The following MCTP1 variants were observed in gnomAD, a reference collection of about 807,000 sequenced individuals.
MCTP1 encodes multiple C2 and transmembrane domain containing 1.
In MCTP1, 69 loss-of-function variants were observed where a neutral mutation model predicts 120.6. The ratio of observed to expected loss-of-function variants is 0.57; its 90% CI spans 0.47 to 0.70. The LOEUF is 0.70. MCTP1 is among the 30% of genes least tolerant of loss of function. MCTP1 has a pLI of 0.00. For synonymous variants in MCTP1, 529 were observed against 493.1 expected, an observed-to-expected ratio of 1.07 and a Z score of -0.96; for missense variants, 1,203 against 1,248.8, an observed-to-expected ratio of 0.96 and a Z score of 0.55.
intron 1 of MCTP1, among the ~76,000 whole-genome samples, chr5:95,132,498 C>T (rs1241324666): frequency 1.6e-4 from 25 of 152,290 alleles, no homozygotes; most frequent in Non-Finnish European, 1.0e-4. Context: ...AGAAGTATTC[C>T]GATAGAATTC....
intron 7 of MCTP1, among the ~76,000 whole-genome samples, chr5:94,922,740 A>T (rs918193592): frequency 3.3e-5 from 5 of 152,262 alleles, no homozygotes; most frequent in Middle Eastern, 3.4e-3. Context: ...TGCCCGCCTC[A>T]GCCTCCCAAA....
intron 2 of MCTP1, among the ~76,000 whole-genome samples, chr5:94,995,866 T>C (rs941118991): frequency 2.6e-5 from 4 of 152,190 alleles, no homozygotes; most frequent in Non-Finnish European, 2.9e-5. Context: ...GTGTCTCAGT[T>C]ACTAAGATAA....
At chr5:94,788,228 A>C (rs1778170875) in intron 18 of MCTP1, among the ~76,000 whole-genome samples, 1 of 152,230 alleles carries the variant, frequency 6.6e-6, no homozygotes, top group Non-Finnish European at 1.5e-5. Flanking sequence ...AAGTAAATTC[A>C]GTAAGTAACA....
chr5:94,870,900 T>C lies in MCTP1; in HGVS notation c.2213A>G (p.Tyr738Cys), dbSNP rs977067020. 1.9e-6 allele frequency: 3 copies of C among 1,612,974 alleles called. No homozygotes were observed. The highest frequency in any genetic ancestry group is 2.2e-5 in the East Asian group (1 of 44,844). ...ATTAAAAATCACATCTATTTCAAGA[T>C]AGATGACCCCCTTTGTTGGCCCTGT... ...QLTGPTKGVI[Y>C]LEIDVIFNAV... Residue 738 changes from tyrosine (Y) to cysteine (C), a missense_variant, in exon 15 of 23, where the codon TAT becomes TGT. By Grantham distance (194) the Tyr-to-Cys change is radical. This residue lies in a region of MCTP1 where 740 missense variants were observed against 871.1 expected (regional missense o/e 0.85). Transcript: ENST00000515393.
intron 5 of MCTP1, among the ~76,000 whole-genome samples, chr5:94,938,335 A>G (rs2153496626): frequency 6.6e-6 from 1 of 152,090 alleles, no homozygotes; most frequent in Middle Eastern, 3.4e-3. Context: ...ATGCACTCTG[A>G]TCACCCACAC....
chr5:95,010,752 T>A (rs868480118), intron 2 of MCTP1, among the ~76,000 whole-genome samples: 12 of 152,068 alleles, frequency 7.9e-5, no homozygotes, highest in African/African-American at 2.7e-4. Context: ...CTGAAAGTTG[T>A]TTTTGTATTT....
chr5:94,775,251 C>A (rs1195996618), intron 19 of MCTP1, among the ~76,000 whole-genome samples: 1 of 152,188 alleles, frequency 6.6e-6, no homozygotes, highest in Admixed American at 6.6e-5. Context: ...CTTTTTCTGA[C>A]AAAAACCTGC....
intron 10 of MCTP1, among the ~76,000 whole-genome samples, chr5:94,898,678 T>C (rs543423440): frequency 1.9e-3 from 284 of 152,292 alleles, no homozygotes; most frequent in Middle Eastern, 0.01. Context: ...TTTTATATTG[T>C]TACCAAGATA....
intron 18 of MCTP1, chr5:94,789,371 A>G (rs1778404997): frequency 6.6e-6 from 1 of 152,230 alleles, no homozygotes; most frequent in Non-Finnish European, 1.5e-5. Flanking sequence ...ATTGACTTTT[A>G]AAAATAGAAG....
At chr5:94,725,576 G>A (rs1208250397) in intron 19 of MCTP1, among the ~76,000 whole-genome samples, 1 of 152,132 alleles carries the variant, frequency 6.6e-6, no homozygotes, top group Non-Finnish European at 1.5e-5. Flanking sequence ...ATATGTGTTT[G>A]AACATGGTTG....
intron 1 of MCTP1, among the ~76,000 whole-genome samples, chr5:95,157,452 T>C (rs544929550): frequency 2.0e-4 from 31 of 152,192 alleles, no homozygotes; most frequent in Non-Finnish European, 4.4e-4. Flanking sequence ...AGTTTTCTAA[T>C]TTATATTATT....
chr5:95,195,027 G>A (rs1322366153), intron 1 of MCTP1, among the ~76,000 whole-genome samples: 1 of 152,194 alleles, frequency 6.6e-6, no homozygotes, highest in Non-Finnish European at 1.5e-5. Context: ...CCACCAGGAG[G>A]AATACTGTGT....
At chr5:94,803,508 A>T (rs140019655) in intron 17 of MCTP1, among the ~76,000 whole-genome samples, 266 of 152,340 alleles carry the variant, frequency 1.7e-3, no homozygotes, top group African/African-American at 6.2e-3. Context: ...TTGTCGTCTG[A>T]AAAGTGAAAA....
At chr5:94,763,192 C>T (rs1771740311) in intron 19 of MCTP1, among the ~76,000 whole-genome samples, 1 of 152,210 alleles carries the variant, frequency 6.6e-6, no homozygotes, top group African/African-American at 2.4e-5. Context: ...TCATTTCCTT[C>T]TTATTCCAGT....
At chr5:95,017,937 T>C (rs1170581280) in intron 1 of MCTP1, among the ~76,000 whole-genome samples, 1 of 152,138 alleles carries the variant, frequency 6.6e-6, no homozygotes, top group Non-Finnish European at 1.5e-5. Context: ...GAACAGCTCA[T>C]ACCTATGAAT....
intron 19 of MCTP1, among the ~76,000 whole-genome samples, chr5:94,764,181 C>T (rs1333228910): frequency 6.6e-6 from 1 of 152,134 alleles, no homozygotes; most frequent in Non-Finnish European, 1.5e-5. Flanking sequence ...TGGCCTGTGT[C>T]ACCCAAAGAA....
chr5:95,238,796 T>C (rs560992692), intron 1 of MCTP1, among the ~76,000 whole-genome samples: 145 of 152,242 alleles, frequency 9.5e-4, no homozygotes, highest in African/African-American at 3.4e-3. Context: ...TACAGACCCC[T>C]AAGCCCTCAC....
chr5:94,857,737 C>T (rs1794971102), intron 17 of MCTP1, among the ~76,000 whole-genome samples: 1 of 151,620 alleles, frequency 6.6e-6, no homozygotes, highest in South Asian at 2.1e-4. Context: ...TTTCTTCACT[C>T]CAGTATCTCC....
Position 94,924,101 on chromosome 5 carries a change from C to A in MCTP1, c.1213-80G>T, listed in dbSNP as rs1368761928. 4 of 864,092 alleles carry A rather than the reference C, an allele frequency of 4.6e-6. No homozygotes were observed. The African/African-American group carries it at 5.4e-5, about 12-fold the overall frequency. 53.5% of individuals were successfully genotyped at this position (864,092 alleles called of 1,614,324 possible). A position where few individuals can be genotyped will look rare whatever the true frequency, so the allele number is the denominator to read the frequency against. ...TATTGTAAATACAAACAAATAAAATCAAAGCAAATAAAAAATCGAAAATTA... is the reference window on the plus strand; with the variant it reads ...TATTGTAAATACAAACAAATAAAATAAAAGCAAATAAAAAATCGAAAATTA... On this transcript the variant is annotated intron_variant, in intron 6 of 22. Coordinates refer to ENST00000515393, the MANE Select transcript of MCTP1 (RefSeq NM_024717.7).
Sources: allele counts gnomAD v4.1 joint callset (sites outside exome capture counted in the v4.1 genomes callset), GRCh38; gene constraint gnomAD v4.1.1; regional missense constraint gnomAD v4.1.1; transcripts MANE v1.5; gene names NCBI Gene and HGNC (gene_info 2026-07-23, HGNC 2026-07-21).